Variants in USF3 observed in about 807,000 individuals in gnomAD.
The protein encoded by USF3 is upstream transcription factor family member 3.
In USF3, 29 loss-of-function variants were observed where a neutral mutation model predicts 157.5. The ratio of observed to expected loss-of-function variants is 0.18; its 90% CI spans 0.14 to 0.25. The LOEUF (loss-of-function observed/expected upper bound fraction) is 0.25, where lower values mean the gene tolerates loss of function less well. USF3 is among the 10% of genes least tolerant of loss of function. The pLI is 1.00. For missense variants in USF3, 2,381 were observed against 2,667.6 expected, an observed-to-expected ratio of 0.89 and a Z score of 2.37; for synonymous variants, 893 against 941.4, an observed-to-expected ratio of 0.95 and a Z score of 0.94.
In USF3 at chr3:113,653,871, A is replaced by T. The variant is rs1180514526; in HGVS notation, c.*1073T>A. ...CATTATAATTCTGTTATGAAGGATA[A>T]TAATGAAATATACAATGCCATATTT... is the stretch of plus-strand genomic sequence containing the variant. On this transcript the variant is annotated 3_prime_UTR_variant, in exon 7 of 7. Transcript: ENST00000316407. 1 of 152,222 alleles carries T rather than the reference A, an allele frequency of 6.6e-6. No individual in the cohort carries two copies. Among genetic ancestry groups the T allele is most frequent in the East Asian group, 1.9e-4 (1 of 5,200 alleles). The allele number at this position is 152,222 out of a possible 1,614,324, so 9.4% of individuals were successfully genotyped here. A position where few individuals can be genotyped will look rare whatever the true frequency, so the allele number is the denominator to read the frequency against.
rs1172969976 is a variant in USF3, at chr3:113,660,889, G to C, written c.793C>G (p.Pro265Ala). The C allele has an allele frequency of 2.5e-6, 4 of 1,614,098 alleles. No individual in the cohort carries two copies. Among genetic ancestry groups the C allele is most frequent in the Non-Finnish European group, 3.4e-6 (4 of 1,179,976 alleles). Reference protein sequence around the residue: ...SLIAVSIESEPHQHHSLHTCL... With the variant: ...SLIAVSIESEAHQHHSLHTCL... Reference sequence around the variant, plus strand: ...GTGTGCAAAGAATGATGTTGGTGAGGCTCAGATTCAATTGAAACAGCAATC... The same window carrying C: ...GTGTGCAAAGAATGATGTTGGTGAGCCTCAGATTCAATTGAAACAGCAATC... The change falls in exon 7 of 7, where the codon CCT (proline) becomes GCT (alanine). Residue 265 changes from proline (P) to alanine (A), a missense_variant. Physicochemically the swap from Pro to Ala is conservative, Grantham distance 27. Coordinates refer to ENST00000316407, the MANE Select transcript of USF3 (RefSeq NM_001009899.4).
At chr3:113,690,759 C>T (rs1272915823) in intron 1 of USF3, among the ~76,000 whole-genome samples, 1 of 152,204 alleles carries the variant, frequency 6.6e-6, no homozygotes. Context: ...CCTAATATTT[C>T]TAGCAAAACT....
At position 113,666,933 on chromosome 3, in the gene USF3, T is replaced by C. The variant is rs1436767050; in HGVS notation, c.160-2524A>G. Among the ~76,000 whole-genome samples the C allele has an allele frequency of 3.9e-5, 6 of 152,170 alleles. 1 individual carries two copies. The highest frequency in any genetic ancestry group is 2.6e-4 in the Admixed American group (4 of 15,264). ...TGTATTTATTTTATTTACCAGTCTATTATTGATAAACATTTAAGATACCTT... is the reference window on the plus strand; with the variant it reads ...TGTATTTATTTTATTTACCAGTCTACTATTGATAAACATTTAAGATACCTT... On this transcript the variant is annotated intron_variant, in intron 5 of 6. Transcript: ENST00000316407.
intron 2 of USF3, among the ~76,000 whole-genome samples, chr3:113,676,998 A>C (rs987407305): frequency 7.2e-5 from 11 of 152,234 alleles, no homozygotes; most frequent in Non-Finnish European, 1.2e-4. Flanking sequence ...TTAGTGAGAT[A>C]TTTCAGGTTA....
rs1421736919 is a variant in USF3 at position 113,658,736 on chromosome 3, A to G, written c.2946T>C (p.Pro982=). The change falls in exon 7 of 7, where the codon CCT becomes CCC. Residue 982 remains proline (P), a synonymous_variant. Transcript: ENST00000316407. ...CTGATGAATCTTGCTCAACTCTGCA[A>G]GGTTCAGCAATGATTTCTACCTCAG... is the stretch of plus-strand genomic sequence containing the variant. ...CVSEVEIIAE[P]CRVEQDSSDT... is the part of the protein sequence containing the mutation. 6.2e-7 allele frequency: 1 copy of G among 1,614,090 alleles called. No homozygotes were observed. Among genetic ancestry groups the G allele is most frequent in the South Asian group, 1.1e-5 (1 of 91,074 alleles).
chr3:113,688,112 C>A (rs553451697), intron 1 of USF3, among the ~76,000 whole-genome samples: 2 of 152,134 alleles, frequency 1.3e-5, no homozygotes, highest in East Asian at 1.9e-4. Context: ...GCAGGGAAGG[C>A]CCCCACTTTC....
In USF3 at chr3:113,656,249, A is replaced by G. The variant is rs765969050; in HGVS notation, c.5433T>C (p.Ser1811=). 1 of 1,614,118 alleles carries G rather than the reference A, an allele frequency of 6.2e-7. No homozygotes were observed. The highest frequency in any genetic ancestry group is 8.5e-7 in the Non-Finnish European group (1 of 1,179,986). Residue 1811 remains serine, a synonymous_variant, in exon 7 of 7, where the codon AGT becomes AGC. Coordinates refer to ENST00000316407, the MANE Select transcript of USF3 (RefSeq NM_001009899.4). The stretch of plus-strand genomic sequence containing the variant: ...TGAAACTTTGGTGACAAGTATTTTC[A>G]CTGTCCCTTGATGGAATACCATTTC... ...PTGNGIPSRD[S]ENTCHQSFMQ...
Position 113,656,406 on chromosome 3 carries a change from T to C in USF3, c.5276A>G (p.Glu1759Gly), listed in dbSNP as rs1947360143. The change falls in exon 7 of 7, where the codon GAA (glutamate) becomes GGA (glycine). Residue 1759 changes from glutamate to glycine, a missense_variant. Glu to Gly is a moderately conservative substitution (Grantham distance 98). This residue lies in a region of USF3 where 770 missense variants were observed against 824.2 expected (regional missense o/e 0.93). Coordinates refer to ENST00000316407, the MANE Select transcript of USF3 (RefSeq NM_001009899.4). Reference sequence around the variant, plus strand: ...CAATGATGATACAGGGTTACCTATTTCATTGTTTCTTGAAGATTGTACTTC... The same window carrying C: ...CAATGATGATACAGGGTTACCTATTCCATTGTTTCTTGAAGATTGTACTTC... ...NFEVQSSRNNEIGNPVSSLRS... is the reference protein window; with the variant it reads ...NFEVQSSRNNGIGNPVSSLRS... 1 of 1,614,204 alleles carries C rather than the reference T, an allele frequency of 6.2e-7. No homozygotes were observed. The highest frequency in any genetic ancestry group is 8.5e-7 in the Non-Finnish European group (1 of 1,180,036).
chr3:113,652,497 T>C lies in USF3; in HGVS notation c.*2447A>G, dbSNP rs1394020186. On this transcript the variant is annotated 3_prime_UTR_variant, in exon 7 of 7. Coordinates refer to ENST00000316407, the MANE Select transcript of USF3 (RefSeq NM_001009899.4). ...AAGAAAAAAAAAAATATTGTATATT[T>C]TTTTGTCCCTAGGAAGCTGCTTAGT... The C allele has an allele frequency of 6.6e-6, 1 of 151,766 alleles. No individual in the cohort carries two copies. The highest frequency in any genetic ancestry group is 2.4e-5 in the African/African-American group (1 of 41,234). The allele number at this position is 151,766 out of a possible 1,614,324, so 9.4% of individuals were successfully genotyped here.
rs1947315535 is a variant in USF3 at position 113,654,276 on chromosome 3, T to A, written c.*668A>T. 6.5e-6 allele frequency: 1 copy of A among 152,676 alleles called. No homozygotes were observed. Among genetic ancestry groups the A allele is most frequent in the African/African-American group, 2.4e-5 (1 of 41,470 alleles). The allele number at this position is 152,676 out of a possible 1,614,324, so 9.5% of individuals were successfully genotyped here. On this transcript the variant is annotated 3_prime_UTR_variant, in exon 7 of 7. Coordinates refer to ENST00000316407, the MANE Select transcript of USF3 (RefSeq NM_001009899.4). ...GTCTAAGGAAGACCTTTGCTTTAAA[T>A]AATCTTGGCACATTAAAGGGTAACA...
intron 1 of USF3, among the ~76,000 whole-genome samples, chr3:113,692,059 T>G (rs1707698134): frequency 6.6e-6 from 1 of 152,166 alleles, no homozygotes; most frequent in African/African-American, 2.4e-5. Context: ...ATAAGGAACA[T>G]GCAACCTAGA....
intron 1 of USF3, among the ~76,000 whole-genome samples, chr3:113,688,386 G>C (rs1707607272): frequency 6.6e-6 from 1 of 152,156 alleles, no homozygotes; most frequent in African/African-American, 2.4e-5. Context: ...CCTAAGTGCT[G>C]GGATTATAGG....
At chr3:113,663,085 C>G (rs1553699275) in intron 6 of USF3, among the ~76,000 whole-genome samples, 1 of 149,770 alleles carries the variant, frequency 6.7e-6, no homozygotes, top group Non-Finnish European at 1.5e-5. Context: ...TGGAAGAAGC[C>G]ACTGAGAGAA....
At position 113,684,319 on chromosome 3, in the gene USF3, T is replaced by C. The variant is rs113033714; in HGVS notation, c.-134-6922A>G. ...GACCTTTGGGAGTGTGATTATTACA[T>C]GTCTTGAGATAGTCTTCTTTGAGTT... On this transcript the variant is annotated intron_variant, in intron 1 of 6. Transcript: ENST00000316407. 8.5e-5 allele frequency among the ~76,000 whole-genome samples: 13 copies of C among 152,282 alleles called. 2 individuals carry two copies. The highest frequency in any genetic ancestry group is 3.1e-4 in the African/African-American group (13 of 41,568).
At chr3:113,663,632 T>C (rs1029315126) in intron 6 of USF3, among the ~76,000 whole-genome samples, 22 of 152,202 alleles carry the variant, frequency 1.4e-4, no homozygotes, top group African/African-American at 4.8e-4. Context: ...CCTACTGAGT[T>C]GTCACAGAAA....
rs369286234 is a variant in USF3, at chr3:113,660,505, G to A, written c.1177C>T (p.Pro393Ser). 2.5e-6 allele frequency: 4 copies of A among 1,614,144 alleles called. No individual in the cohort carries two copies. Among genetic ancestry groups the A allele is most frequent in the Non-Finnish European group, 2.5e-6 (3 of 1,180,036 alleles). ...TIPISTLSGNPLDNGWTLSCS... is the reference protein window; with the variant it reads ...TIPISTLSGNSLDNGWTLSCS... ...GAAAGAGTCCAACCATTGTCCAAAGGGTTTCCCGAAAGAGTGCTTATAGGA... is the reference window on the plus strand; with the variant it reads ...GAAAGAGTCCAACCATTGTCCAAAGAGTTTCCCGAAAGAGTGCTTATAGGA... Residue 393 changes from proline to serine, a missense_variant, in exon 7 of 7, where the codon CCT becomes TCT. By Grantham distance (74) the Pro-to-Ser change is moderately conservative. Transcript: ENST00000316407.
intron 5 of USF3, among the ~76,000 whole-genome samples, chr3:113,667,321 T>G (rs566046497): frequency 3.9e-5 from 6 of 152,212 alleles, no homozygotes; most frequent in Non-Finnish European, 7.3e-5. Context: ...TGGCTCTGCT[T>G]CTGATAGCCA....
intron 1 of USF3, among the ~76,000 whole-genome samples, chr3:113,692,079 T>C (rs1338062879): frequency 2.0e-5 from 3 of 152,290 alleles, no homozygotes; most frequent in East Asian, 1.9e-4. Flanking sequence ...ATCCCTTGCA[T>C]GTGTGGTTCA....
chr3:113,680,058 T>C (rs900110214), intron 1 of USF3, among the ~76,000 whole-genome samples: 3 of 143,444 alleles, frequency 2.1e-5, no homozygotes, highest in African/African-American at 5.1e-5. Context: ...GTTTTCTTTT[T>C]TTTTTTTTTT....
Sources: allele counts gnomAD v4.1 joint callset (sites outside exome capture counted in the v4.1 genomes callset), GRCh38; gene constraint gnomAD v4.1.1; regional missense constraint gnomAD v4.1.1; transcripts MANE v1.5; gene names NCBI Gene and HGNC (gene_info 2026-07-23, HGNC 2026-07-21).